Variants in SLC26A7 observed in about 807,000 individuals in gnomAD.
SLC26A7 encodes anion exchange transporter.
Under a neutral mutation model 82.5 loss-of-function variants are expected in SLC26A7, and 59 were observed. The ratio of observed to expected loss-of-function variants is 0.72; its 90% confidence interval spans 0.58 to 0.89. The LOEUF (loss-of-function observed/expected upper bound fraction) is 0.89, where lower values mean the gene tolerates loss of function less well. SLC26A7 is among the 40% of genes least tolerant of loss of function. The probability of loss-of-function intolerance (pLI) is 0.00; values close to 1 mark genes in which losing one functional copy is unlikely to be tolerated. For synonymous variants in SLC26A7, 271 were observed against 274.3 expected (o/e 0.99, Z 0.12); for missense variants, 820 against 793.0 (o/e 1.03, Z -0.41).
intron 2 of SLC26A7, among the ~76,000 whole-genome samples, chr8:91,274,209 A>G (rs1188906399): frequency 6.6e-6 from 1 of 152,234 alleles, no homozygotes; most frequent in African/African-American, 2.4e-5. Flanking sequence ...ATTATCATCT[A>G]TTCCCCACTA....
chr8:91,335,447 A>G (rs928218884), intron 6 of SLC26A7, among the ~76,000 whole-genome samples: 2 of 152,180 alleles, frequency 1.3e-5, no homozygotes, highest in African/African-American at 4.8e-5. Flanking sequence ...ACAGAGTACT[A>G]TGATTATTAG....
chr8:91,279,079 C>A (rs1007027987), intron 2 of SLC26A7, among the ~76,000 whole-genome samples: 2 of 143,078 alleles, frequency 1.4e-5, no homozygotes, highest in Admixed American at 7.1e-5. Flanking sequence ...GATAGGATCC[C>A]CTTATTTTAA....
chr8:91,341,303 CA>C (rs1813406461), intron 8 of SLC26A7, among the ~76,000 whole-genome samples: 1 of 152,114 alleles, frequency 6.6e-6, no homozygotes, highest in East Asian at 1.9e-4. Context: ...CATGTCCCTA[CA>C]AAGGACATGA....
At chr8:91,374,905 G>T (rs1199403401) in intron 15 of SLC26A7, among the ~76,000 whole-genome samples, 2 of 151,888 alleles carry the variant, frequency 1.3e-5, no homozygotes, top group African/African-American at 4.8e-5. Context: ...ATAAATCTGG[G>T]TGCTTCACTG....
In SLC26A7 at chr8:91,338,115, A is replaced by G. The variant is rs776769569; in HGVS notation, c.796-35A>G. 2.0e-6 allele frequency: 3 copies of G among 1,511,280 alleles called. No individual in the cohort carries two copies. The South Asian group carries it at 3.6e-5, about 18-fold the overall frequency. The allele number at this position is 1,511,280 out of a possible 1,614,324, so 93.6% of individuals were successfully genotyped here. ...AAGGTGTTTGAGAGGTCAGTAATGT[A>G]TATATTTTTTCTTTTTTCAAATGGA... is the stretch of plus-strand genomic sequence containing the variant. On this transcript the variant is annotated intron_variant, in intron 6 of 18. Coordinates refer to ENST00000276609, the MANE Select transcript of SLC26A7 (RefSeq NM_052832.4).
At chr8:91,250,848 A>ATACTGTCATACTTTATAGGATTCCAT (rs1315267250) in intron 2 of SLC26A7, among the ~76,000 whole-genome samples, 2 of 152,114 alleles carry the variant, frequency 1.3e-5, no homozygotes, top group Non-Finnish European at 2.9e-5. Context: ...AAGATCCATA[A>ATACTGTCATACTTTATAGGATTCCAT]TACTGTCATA....
chr8:91,234,479 GTT>G (rs149698888), intron 2 of SLC26A7, among the ~76,000 whole-genome samples: 125 of 146,532 alleles, frequency 8.5e-4, no homozygotes, highest in African/African-American at 1.5e-3. Flanking sequence ...TGGCCCTTCT[GTT>G]TTTTTTTTTT....
chr8:91,269,535 G>T (rs1811209359), intron 2 of SLC26A7, among the ~76,000 whole-genome samples: 1 of 151,982 alleles, frequency 6.6e-6, no homozygotes, highest in Non-Finnish European at 1.5e-5. Flanking sequence ...TATTTCTTTT[G>T]CTACTTTGAG....
intron 1 of SLC26A7, among the ~76,000 whole-genome samples, chr8:91,217,111 T>C (rs1810063963): frequency 6.6e-6 from 1 of 152,110 alleles, no homozygotes; most frequent in African/African-American, 2.4e-5. Flanking sequence ...TATTTGTGTG[T>C]GTGTGTATGA....
chr8:91,216,693 A>G (rs1810053934), intron 1 of SLC26A7, among the ~76,000 whole-genome samples: 1 of 152,130 alleles, frequency 6.6e-6, no homozygotes, highest in Admixed American at 6.6e-5. Flanking sequence ...CTCCAACCAC[A>G]ATTTCATCAC....
At chr8:91,350,455 T>C (rs758781888) in intron 9 of SLC26A7, among the ~76,000 whole-genome samples, 2 of 151,922 alleles carry the variant, frequency 1.3e-5, no homozygotes, top group Non-Finnish European at 2.9e-5. Context: ...AAAATTGTTG[T>C]ATAACAAGTA....
intron 14 of SLC26A7, among the ~76,000 whole-genome samples, chr8:91,368,415 T>G (rs1361918842): frequency 1.3e-5 from 2 of 150,444 alleles, no homozygotes; most frequent in East Asian, 1.9e-4. Flanking sequence ...CAGATGAGGT[T>G]TTTTTTTTTG....
At chr8:91,275,171 T>C (rs1314432588) in intron 2 of SLC26A7, among the ~76,000 whole-genome samples, 1 of 152,240 alleles carries the variant, frequency 6.6e-6, no homozygotes, top group African/African-American at 2.4e-5. Context: ...TTAATTAACA[T>C]TTTAGACTCA....
At chr8:91,274,845 G>A (rs1404592286) in intron 2 of SLC26A7, among the ~76,000 whole-genome samples, 1 of 152,176 alleles carries the variant, frequency 6.6e-6, no homozygotes, top group African/African-American at 2.4e-5. Context: ...TAAGGAGGTG[G>A]AGAACATTAG....
intron 2 of SLC26A7, among the ~76,000 whole-genome samples, chr8:91,229,053 T>C (rs1354657330): frequency 6.6e-6 from 1 of 152,236 alleles, no homozygotes; most frequent in Non-Finnish European, 1.5e-5. Flanking sequence ...TTTCTGTCCT[T>C]AGCACAATGA....
intron 2 of SLC26A7, among the ~76,000 whole-genome samples, chr8:91,266,083 G>A (rs1811104088): frequency 6.6e-6 from 1 of 151,740 alleles, no homozygotes; most frequent in Non-Finnish European, 1.5e-5. Flanking sequence ...TTACATTTAA[G>A]TCGTTAATTC....
At chr8:91,259,016 T>G (rs1049863826) in intron 2 of SLC26A7, among the ~76,000 whole-genome samples, 1 of 152,092 alleles carries the variant, frequency 6.6e-6, no homozygotes, top group African/African-American at 2.4e-5. Context: ...CCTCTCTCAC[T>G]TTCCTTACTG....
intron 2 of SLC26A7, among the ~76,000 whole-genome samples, chr8:91,220,229 C>T (rs935173029): frequency 1.3e-5 from 2 of 152,002 alleles, no homozygotes; most frequent in Non-Finnish European, 2.9e-5. Context: ...AAATAAAAAA[C>T]CAAGTACAAA....
chr8:91,286,808 T>C (rs1811724210), intron 2 of SLC26A7, among the ~76,000 whole-genome samples: 1 of 152,216 alleles, frequency 6.6e-6, no homozygotes, highest in African/African-American at 2.4e-5. Flanking sequence ...CATATGCTCA[T>C]GTATGAGACT....
Sources: allele counts gnomAD v4.1 joint callset (sites outside exome capture counted in the v4.1 genomes callset), GRCh38; gene constraint gnomAD v4.1.1; transcripts MANE v1.5; gene names NCBI Gene and HGNC (gene_info 2026-07-23, HGNC 2026-07-21).